The following EFNA5 variants were observed in gnomAD, a reference collection of about 807,000 sequenced individuals.
EFNA5 encodes the protein ephrin A5, also known as ephrin-A5.
Under a neutral mutation model 22.9 loss-of-function variants are expected in EFNA5, and 5 were observed. The observed-to-expected ratio is 0.22, with a 90% confidence interval of 0.11 to 0.46. EFNA5 has a LOEUF of 0.46. EFNA5 is among the 20% of genes least tolerant of loss of function. The pLI is 0.99. For missense variants in EFNA5, 237 were observed against 293.3 expected (o/e 0.81, Z 1.40); for synonymous variants, 113 against 112.2 (o/e 1.01, Z -0.04).
chr5:107,390,906 C>A (rs1314815632), intron 2 of EFNA5, among the ~76,000 whole-genome samples: 1 of 152,146 alleles, frequency 6.6e-6, no homozygotes, highest in Non-Finnish European at 1.5e-5. Flanking sequence ...TGCCTGCAAT[C>A]CCAACACTGT....
intron 1 of EFNA5, among the ~76,000 whole-genome samples, chr5:107,477,404 C>T (rs1750340419): frequency 6.6e-6 from 1 of 152,080 alleles, no homozygotes; most frequent in African/African-American, 2.4e-5. Context: ...AAATCTAGAA[C>T]CAAAGTCGCA....
At chr5:107,425,920 G>A (rs1748799759) in intron 2 of EFNA5, among the ~76,000 whole-genome samples, 1 of 152,162 alleles carries the variant, frequency 6.6e-6, no homozygotes, top group African/African-American at 2.4e-5. Flanking sequence ...GCAAGCTGGG[G>A]TGAAAGTCGA....
chr5:107,528,798 A>G (rs1747751174), intron 1 of EFNA5, among the ~76,000 whole-genome samples: 1 of 152,186 alleles, frequency 6.6e-6, no homozygotes, highest in Admixed American at 6.5e-5. Flanking sequence ...ATGGGGTTAT[A>G]TTATTATAAG....
intron 1 of EFNA5, among the ~76,000 whole-genome samples, chr5:107,628,912 C>T (rs1393987588): frequency 6.6e-6 from 1 of 151,990 alleles, no homozygotes; most frequent in East Asian, 1.9e-4. Context: ...GACAAACTAT[C>T]TCATATAATC....
chr5:107,534,204 C>A (rs1747880948), intron 1 of EFNA5, among the ~76,000 whole-genome samples: 1 of 152,194 alleles, frequency 6.6e-6, no homozygotes, highest in African/African-American at 2.4e-5. Context: ...CTAAGAGCAG[C>A]AAACACTTCA....
At chr5:107,606,782 C>T (rs1749734196) in intron 1 of EFNA5, among the ~76,000 whole-genome samples, 1 of 152,190 alleles carries the variant, frequency 6.6e-6, no homozygotes, top group Admixed American at 6.5e-5. Context: ...TTTCCCCTCT[C>T]TCCGTGAACA....
At chr5:107,651,661 G>GT (rs1380300506) in intron 1 of EFNA5, among the ~76,000 whole-genome samples, 1 of 85,568 alleles carries the variant, frequency 1.2e-5, no homozygotes, top group Non-Finnish European at 2.1e-5. Context: ...GTGAACAATG[G>GT]TTTTTTGGCA....
chr5:107,613,301 C>A (rs2112522460), intron 1 of EFNA5, among the ~76,000 whole-genome samples: 1 of 152,084 alleles, frequency 6.6e-6, no homozygotes, highest in African/African-American at 2.4e-5. Flanking sequence ...TTTTTAATAT[C>A]ATCTAAGTTG....
chr5:107,589,390 G>A (rs1749270117), intron 1 of EFNA5, among the ~76,000 whole-genome samples: 2 of 152,064 alleles, frequency 1.3e-5, no homozygotes, highest in South Asian at 4.1e-4. Flanking sequence ...GCAAGTAGGG[G>A]GAAAAGGTAT....
chr5:107,577,639 T>C (rs751602917), intron 1 of EFNA5, among the ~76,000 whole-genome samples: 11 of 152,118 alleles, frequency 7.2e-5, no homozygotes, highest in African/African-American at 9.7e-5. Flanking sequence ...TTGCTGACAT[T>C]TGAAGTATAA....
intron 1 of EFNA5, among the ~76,000 whole-genome samples, chr5:107,495,455 G>A (rs191327085): frequency 4.8e-4 from 73 of 152,304 alleles, no homozygotes; most frequent in African/African-American, 1.7e-3. Flanking sequence ...AACGCTCATC[G>A]CGAGGGTCCG....
intron 1 of EFNA5, among the ~76,000 whole-genome samples, chr5:107,579,702 G>T (rs951488179): frequency 2.0e-5 from 3 of 151,886 alleles, no homozygotes; most frequent in Non-Finnish European, 4.4e-5. Flanking sequence ...AAAAGCACAG[G>T]GTGAATTCAT....
At chr5:107,569,140 G>C (rs920775606) in intron 1 of EFNA5, among the ~76,000 whole-genome samples, 1 of 151,866 alleles carries the variant, frequency 6.6e-6, no homozygotes, top group African/African-American at 2.4e-5. Context: ...AGAGATCCAG[G>C]AAACAAGAAT....
At chr5:107,545,317 T>A (rs1476716481) in intron 1 of EFNA5, among the ~76,000 whole-genome samples, 1 of 152,218 alleles carries the variant, frequency 6.6e-6, no homozygotes, top group African/African-American at 2.4e-5. Flanking sequence ...TTTCTAATGA[T>A]CTTATATGTT....
intron 1 of EFNA5, among the ~76,000 whole-genome samples, chr5:107,440,798 C>T (rs1749236164): frequency 6.6e-6 from 1 of 152,074 alleles, no homozygotes; most frequent in African/African-American, 2.4e-5. Flanking sequence ...ATTTACAAAA[C>T]CTATGGGAGA....
rs768391866 is a variant in EFNA5 at position 107,427,420 on chromosome 5, T to A, written c.215A>T (p.Asp72Val). Reference protein sequence around the residue: ...CPHYEDSVPEDKTERYVLYMV... With the variant: ...CPHYEDSVPEVKTERYVLYMV... ...GTAGAGGACATAGCGCTCAGTCTTATCTTCTGGGACGGAGTCCTCATAGTG... is the reference window on the plus strand; with the variant it reads ...GTAGAGGACATAGCGCTCAGTCTTAACTTCTGGGACGGAGTCCTCATAGTG... The change falls in exon 2 of 5, where the codon GAT (aspartate) becomes GTT (valine). Residue 72 changes from aspartate to valine, a missense_variant. By Grantham distance (152) the Asp-to-Val change is radical (BLOSUM62 -3). Around this residue, in one of 3 missense-constraint regions of EFNA5, gnomAD observed 120 missense variants for 140.5 expected, o/e 0.85. Coordinates refer to ENST00000333274, the MANE Select transcript of EFNA5 (RefSeq NM_001962.3). The A allele has an allele frequency of 6.2e-7, 1 of 1,614,052 alleles. No homozygotes were observed. The highest frequency in any genetic ancestry group is 1.1e-5 in the South Asian group (1 of 91,084).
intron 2 of EFNA5, among the ~76,000 whole-genome samples, chr5:107,391,563 G>T (rs1237609228): frequency 6.6e-6 from 1 of 152,088 alleles, no homozygotes; most frequent in Non-Finnish European, 1.5e-5. Flanking sequence ...AAGACACATG[G>T]ATTTTCTAAT....
chr5:107,443,345 CTAAT>C (rs1749308594), intron 1 of EFNA5, among the ~76,000 whole-genome samples: 1 of 152,192 alleles, frequency 6.6e-6, no homozygotes, highest in African/African-American at 2.4e-5. Context: ...TTGGGTGTTG[CTAAT>C]TAAATGATGA....
At chr5:107,426,882 T>A in intron 2 of EFNA5, 1 of 260,100 alleles carries the variant, frequency 3.8e-6, no homozygotes. Context: ...CTATGTAAAT[T>A]TAATTATTTC....
Sources: allele counts gnomAD v4.1 joint callset (sites outside exome capture counted in the v4.1 genomes callset), GRCh38; gene constraint gnomAD v4.1.1; regional missense constraint gnomAD v4.1.1; transcripts MANE v1.5; gene names NCBI Gene and HGNC (gene_info 2026-07-23, HGNC 2026-07-21).